The following SHISA9 variants were observed in gnomAD, a reference collection of about 807,000 sequenced individuals.
The protein encoded by SHISA9 is protein shisa-9.
Under a neutral mutation model 38.0 loss-of-function variants are expected in SHISA9, and 13 were observed. That is an observed-to-expected ratio of 0.34 (90% CI 0.22 to 0.54). The LOEUF (loss-of-function observed/expected upper bound fraction) is 0.54. SHISA9 is among the 20% of genes least tolerant of loss of function. The pLI is 0.91. For synonymous variants in SHISA9, 275 were observed against 242.0 expected (o/e 1.14, Z -1.27); for missense variants, 538 against 575.8 (o/e 0.93, Z 0.67).
chr16:13,151,648 C>T (rs758662790), intron 2 of SHISA9, among the ~76,000 whole-genome samples: 2 of 152,150 alleles, frequency 1.3e-5, no homozygotes, highest in Non-Finnish European at 2.9e-5. Context: ...TTTACAAACT[C>T]TTTACAAGCT....
the SHISA9 span, among the ~76,000 whole-genome samples, chr16:13,429,311 C>G: frequency 6.6e-6 from 1 of 152,098 alleles, no homozygotes; most frequent in Non-Finnish European, 1.5e-5. Flanking sequence ...GTTTTGAAGG[C>G]TAGAAGTGCA....
the SHISA9 span, among the ~76,000 whole-genome samples, chr16:13,320,597 A>G: frequency 6.6e-6 from 1 of 152,202 alleles, no homozygotes; most frequent in Non-Finnish European, 1.5e-5. Flanking sequence ...AGCCTCCTGT[A>G]GAGATAGTAG....
intron 2 of SHISA9, among the ~76,000 whole-genome samples, chr16:13,042,367 G>T (rs1364762864): frequency 6.6e-6 from 1 of 152,160 alleles, no homozygotes; most frequent in African/African-American, 2.4e-5. Context: ...AGGATTATTG[G>T]CCAATTTGCT....
the SHISA9 span, among the ~76,000 whole-genome samples, chr16:13,282,179 G>A: frequency 4.6e-5 from 7 of 151,874 alleles, no homozygotes; most frequent in Non-Finnish European, 1.0e-4. Flanking sequence ...TTCTCATGCA[G>A]GCATGCTGGT....
chr16:13,389,489 G>A, the SHISA9 span, among the ~76,000 whole-genome samples: 1 of 152,024 alleles, frequency 6.6e-6, no homozygotes, highest in Non-Finnish European at 1.5e-5. Flanking sequence ...ATATTATGCT[G>A]TACATCTTAA....
intron 1 of SHISA9, among the ~76,000 whole-genome samples, chr16:12,913,262 T>C (rs1216055359): frequency 1.3e-5 from 2 of 152,142 alleles, no homozygotes; most frequent in Non-Finnish European, 2.9e-5. Flanking sequence ...AGCAGTGTGA[T>C]CTCAGCTCAC....
At chr16:13,091,814 A>T (rs1224667067) in intron 2 of SHISA9, among the ~76,000 whole-genome samples, 1 of 152,188 alleles carries the variant, frequency 6.6e-6, no homozygotes, top group Non-Finnish European at 1.5e-5. Context: ...AACTTGTCAA[A>T]GTCATTCTCC....
chr16:13,210,006 C>T (rs1175503623), intron 3 of SHISA9, among the ~76,000 whole-genome samples: 1 of 152,134 alleles, frequency 6.6e-6, no homozygotes, highest in Non-Finnish European at 1.5e-5. Context: ...GAGGCTGAGG[C>T]AGGAGAATGG....
chr16:13,428,653 G>T, the SHISA9 span, among the ~76,000 whole-genome samples: 2 of 152,300 alleles, frequency 1.3e-5, no homozygotes, highest in East Asian at 1.9e-4. Flanking sequence ...TCAGGGAAGA[G>T]AAGTTATTTT....
At chr16:13,275,392 C>A in the SHISA9 span, among the ~76,000 whole-genome samples, 1 of 152,034 alleles carries the variant, frequency 6.6e-6, no homozygotes, top group Non-Finnish European at 1.5e-5. Context: ...GTTCTGATTT[C>A]TTTCTATGTA....
the SHISA9 span, among the ~76,000 whole-genome samples, chr16:13,428,961 T>C: frequency 6.6e-6 from 1 of 151,974 alleles, no homozygotes; most frequent in Non-Finnish European, 1.5e-5. Flanking sequence ...GAGACCGGGT[T>C]TTGCTATGTT....
intron 4 of SHISA9, among the ~76,000 whole-genome samples, chr16:13,214,118 A>C (rs773355588): frequency 2.0e-4 from 30 of 152,318 alleles, no homozygotes; most frequent in Non-Finnish European, 3.8e-4. Flanking sequence ...TTTAGAATAG[A>C]CCAGAAACAC....
At chr16:12,974,176 C>G (rs1378189603) in intron 2 of SHISA9, among the ~76,000 whole-genome samples, 2 of 152,144 alleles carry the variant, frequency 1.3e-5, no homozygotes, top group African/African-American at 2.4e-5. Flanking sequence ...AGCGTCCGTC[C>G]TTGTATTCAC....
At chr16:13,263,828 C>T in the SHISA9 span, among the ~76,000 whole-genome samples, 2 of 152,102 alleles carry the variant, frequency 1.3e-5, no homozygotes, top group African/African-American at 4.8e-5. Flanking sequence ...GTACATGAGA[C>T]CTGTCTGTAC....
At chr16:12,979,597 G>T (rs934330093) in intron 2 of SHISA9, among the ~76,000 whole-genome samples, 1 of 151,988 alleles carries the variant, frequency 6.6e-6, no homozygotes, top group Non-Finnish European at 1.5e-5. Context: ...AGTCTTGAAC[G>T]TGTATATTTT....
chr16:13,529,144 G>C, the SHISA9 span, among the ~76,000 whole-genome samples: 2 of 152,136 alleles, frequency 1.3e-5, no homozygotes, highest in African/African-American at 2.4e-5. Flanking sequence ...ATTAACCAGA[G>C]TGAATGTTCA....
At chr16:12,982,601 A>G (rs1305809401) in intron 2 of SHISA9, among the ~76,000 whole-genome samples, 1 of 152,190 alleles carries the variant, frequency 6.6e-6, no homozygotes, top group Non-Finnish European at 1.5e-5. Context: ...AGGTCAGGCC[A>G]ACTCATCATT....
At chr16:13,003,859 A>AAATAATAATAAT (rs759908367) in intron 2 of SHISA9, among the ~76,000 whole-genome samples, 26 of 140,710 alleles carry the variant, frequency 1.8e-4, no homozygotes, top group Non-Finnish European at 3.1e-4. Flanking sequence ...CTCCGTCTCA[A>AAATAATAATAAT]AATAATAATA....
chr16:13,190,844 CA>C (rs2050878031), intron 2 of SHISA9, among the ~76,000 whole-genome samples: 1 of 151,920 alleles, frequency 6.6e-6, no homozygotes, highest in African/African-American at 2.4e-5. Flanking sequence ...TTTTCATGCT[CA>C]AACATATAAA....
Sources: gnomAD v4.1 joint callset for allele counts (sites outside exome capture counted in the v4.1 genomes callset) on GRCh38, gnomAD v4.1.1 for gene constraint, MANE v1.5 for transcripts, NCBI Gene and HGNC (gene_info 2026-07-23, HGNC 2026-07-21) for gene names.